The following PDZD2 variants were observed in gnomAD, a reference collection of about 807,000 sequenced individuals.
PDZD2 encodes the protein PDZ domain containing 2.
PDZD2 carries 90 observed loss-of-function variants against 220.7 expected under a neutral mutation model. That is an observed-to-expected ratio of 0.41 (90% CI 0.34 to 0.49). The LOEUF is 0.49. Among genes scored for constraint, PDZD2 ranks in the 20% least tolerant of loss-of-function variants. The pLI is 0.28. For synonymous variants in PDZD2, 1,375 were observed against 1,450.5 expected (o/e 0.95, Z 1.18); for missense variants, 3,174 against 3,608.5 (o/e 0.88, Z 3.08).
intron 1 of PDZD2, among the ~76,000 whole-genome samples, chr5:31,719,025 C>A (rs962777942): frequency 2.0e-5 from 3 of 152,092 alleles, no homozygotes; most frequent in African/African-American, 7.2e-5. Flanking sequence ...AACTCAGTGA[C>A]CTCTTTAAAG....
chr5:31,663,897 T>C (rs546932930), intron 1 of PDZD2, among the ~76,000 whole-genome samples: 44 of 151,498 alleles, frequency 2.9e-4, no homozygotes, highest in African/African-American at 9.7e-4. Context: ...AAGTGTGTGC[T>C]TGCACATGTA....
intron 7 of PDZD2, among the ~76,000 whole-genome samples, chr5:32,043,140 G>C (rs1737583043): frequency 6.6e-6 from 1 of 152,346 alleles, no homozygotes; most frequent in South Asian, 2.1e-4. Context: ...TATCAATACA[G>C]ATATGGGGAG....
intron 2 of PDZD2, among the ~76,000 whole-genome samples, chr5:31,939,916 C>A (rs1045066597): frequency 6.6e-6 from 1 of 152,128 alleles, no homozygotes; most frequent in African/African-American, 2.4e-5. Flanking sequence ...AACAGCCAGA[C>A]AAAATAAAAG....
chr5:31,810,430 A>G (rs530328031), intron 2 of PDZD2, among the ~76,000 whole-genome samples: 1 of 151,654 alleles, frequency 6.6e-6, no homozygotes, highest in Non-Finnish European at 1.5e-5. Flanking sequence ...GCCTCACTAA[A>G]TTTTTGTATA....
At chr5:31,707,347 AAGG>A (rs1445589223) in intron 1 of PDZD2, among the ~76,000 whole-genome samples, 1 of 151,920 alleles carries the variant, frequency 6.6e-6, no homozygotes, top group Non-Finnish European at 1.5e-5. Flanking sequence ...AAAAATAAAA[AAGG>A]ACTGGTGTCC....
rs368469911 is a variant in PDZD2 at position 31,825,091 on chromosome 5, C to T, written c.476+25367C>T. On this transcript the variant is annotated intron_variant, in intron 2 of 24. Transcript: ENST00000438447. ...CCCACCTCCACCTCCTGGCCACCCA[C>T]CAGGGATAGATAGACTAAACCCAGC... Among the ~76,000 whole-genome samples, 7 of 152,174 alleles carry T rather than the reference C, an allele frequency of 4.6e-5. No individual in the cohort carries two copies. In the East Asian group the frequency reaches 5.8e-4, roughly 13 times the overall value.
At chr5:31,791,107 A>C (rs571154487) in intron 1 of PDZD2, among the ~76,000 whole-genome samples, 1 of 152,292 alleles carries the variant, frequency 6.6e-6, no homozygotes, top group African/African-American at 2.4e-5. Context: ...AACTCCGGCT[A>C]GTAGGACACC....
chr5:31,799,098 C>G lies in PDZD2; in HGVS notation c.-151C>G. ...CCTGCCAAGGCAAACAGCATAGTCT[C>G]GAGTAGGTGTCCCTAGGCTCATCTG... On this transcript the variant is annotated 5_prime_UTR_variant, in exon 2 of 25. Transcript: ENST00000438447. 1.7e-6 allele frequency: 1 copy of G among 601,650 alleles called. No homozygotes were observed. The highest frequency in any genetic ancestry group is 2.1e-5 in the South Asian group (1 of 48,606). 37.3% of individuals were successfully genotyped at this position (601,650 alleles called of 1,614,324 possible). A position where few individuals can be genotyped will look rare whatever the true frequency, so the allele number is the denominator to read the frequency against.
chr5:32,102,332 G>A (rs953258220), intron 24 of PDZD2, among the ~76,000 whole-genome samples: 65 of 151,992 alleles, frequency 4.3e-4, no homozygotes, highest in African/African-American at 1.5e-3. Context: ...CACCCCTGTG[G>A]GCAGCCAGAG....
chr5:32,091,289 T>C, intron 20 of PDZD2, 114 bp downstream of exon 20: 4 of 830,428 alleles, frequency 4.8e-6, no homozygotes, highest in Non-Finnish European at 6.9e-6. Context: ...CTTTTTTTTT[T>C]TTTTTTTTTT....
chr5:31,834,275 G>A (rs556766569), intron 2 of PDZD2, among the ~76,000 whole-genome samples: 17 of 152,278 alleles, frequency 1.1e-4, no homozygotes, highest in Middle Eastern at 3.4e-3. Context: ...CTAGCTGACC[G>A]CCAATTCCAG....
intron 13 of PDZD2, 130 bp from the exon 14 acceptor site, chr5:32,060,872 G>GA: frequency 1.6e-6 from 1 of 643,622 alleles, no homozygotes; most frequent in Non-Finnish European, 2.3e-6. Flanking sequence ...ATGCCAACGG[G>GA]AAAAGATATG....
At position 32,009,398 on chromosome 5, in the gene PDZD2, T is replaced by C. The variant is rs145491459; in HGVS notation, c.1255-932T>C. 3.0e-4 allele frequency among the ~76,000 whole-genome samples: 46 copies of C among 151,886 alleles called. 2 individuals carry two copies. Among genetic ancestry groups the C allele is most frequent in the African/African-American group, 1.1e-3 (44 of 41,410 alleles). On this transcript the variant is annotated intron_variant, in intron 5 of 24. Coordinates refer to ENST00000438447, the MANE Select transcript of PDZD2 (RefSeq NM_178140.4). ...AATAAAAAAAAGATGCTGACCTCTT[T>C]AGACAGCATCCTGAAAGCAGTCCAG... is the stretch of plus-strand genomic sequence containing the variant.
intron 2 of PDZD2, among the ~76,000 whole-genome samples, chr5:31,947,958 A>G (rs573209839): frequency 4.7e-4 from 71 of 152,304 alleles, no homozygotes; most frequent in African/African-American, 1.6e-3. Flanking sequence ...CAAGCATTAT[A>G]TAAACTTTAA....
chr5:31,875,916 T>TTCATACTC (rs2150329563), intron 2 of PDZD2, among the ~76,000 whole-genome samples: 1 of 152,176 alleles, frequency 6.6e-6, no homozygotes, highest in Non-Finnish European at 1.5e-5. Context: ...AGTCCATCCT[T>TTCATACTC]TCATACTCCT....
At chr5:31,692,799 A>C (rs1338082751) in intron 1 of PDZD2, 1 of 152,322 alleles carries the variant, frequency 6.6e-6, no homozygotes, top group East Asian at 1.9e-4. Context: ...GCTGTGATGC[A>C]GCTCATGATC....
At chr5:31,869,158 C>T (rs186158872) in intron 2 of PDZD2, among the ~76,000 whole-genome samples, 44 of 152,360 alleles carry the variant, frequency 2.9e-4, no homozygotes, top group Non-Finnish European at 5.0e-4. Context: ...AAGTTCCAGA[C>T]ATGCTTTGTC....
intron 1 of PDZD2, among the ~76,000 whole-genome samples, chr5:31,791,107 A>G (rs571154487): frequency 2.4e-4 from 37 of 152,172 alleles, no homozygotes; most frequent in African/African-American, 7.5e-4. Flanking sequence ...AACTCCGGCT[A>G]GTAGGACACC....
chr5:31,985,927 T>C (rs1275875772), intron 3 of PDZD2, among the ~76,000 whole-genome samples: 8 of 151,000 alleles, frequency 5.3e-5, no homozygotes, highest in African/African-American at 1.7e-4. Context: ...AATACAAAAC[T>C]AGCCGGGCAT....
Sources: allele counts gnomAD v4.1 joint callset (sites outside exome capture counted in the v4.1 genomes callset), GRCh38; gene constraint gnomAD v4.1.1; transcripts MANE v1.5; gene names NCBI Gene and HGNC (gene_info 2026-07-23, HGNC 2026-07-21).